The following TTC39B variants were observed in gnomAD, a reference collection of about 807,000 sequenced individuals.
TTC39B encodes the protein tetratricopeptide repeat protein 39B.
Under a neutral mutation model 96.6 loss-of-function variants are expected in TTC39B, and 92 were observed. The ratio of observed to expected loss-of-function variants is 0.95; its 90% CI spans 0.80 to 1.13. TTC39B has a LOEUF of 1.13. TTC39B is among the 50% of genes most tolerant of loss of function. The pLI is 0.00. For missense variants in TTC39B, 955 were observed against 809.3 expected, an observed-to-expected ratio of 1.18 and a Z score of -2.18; for synonymous variants, 367 against 299.4, an observed-to-expected ratio of 1.23 and a Z score of -2.33.
At chr9:15,262,398 C>T (rs1241765264) in intron 2 of TTC39B, among the ~76,000 whole-genome samples, 1 of 152,182 alleles carries the variant, frequency 6.6e-6, no homozygotes, top group Non-Finnish European at 1.5e-5. Context: ...AGCACTTGGC[C>T]TATTTTAATT....
At chr9:15,266,053 C>A (rs558949227) in intron 2 of TTC39B, among the ~76,000 whole-genome samples, 1 of 152,090 alleles carries the variant, frequency 6.6e-6, no homozygotes, top group Non-Finnish European at 1.5e-5. Context: ...ATCTGGATAA[C>A]GTATGGACTG....
Position 15,226,046 on chromosome 9 carries a change from T to C in TTC39B, c.276-34A>G, listed in dbSNP as rs372956451. The C allele has an allele frequency of 4.4e-6, 7 of 1,600,198 alleles. No homozygotes were observed. The African/African-American group carries it at 5.4e-5, about 12-fold the overall frequency. ...TAAAAAGGCAGAGCAAGGTTTTTTA[T>C]TTCTTTGTCCTGTGAGAAAAGTCTA... On this transcript the variant is annotated intron_variant, in intron 2 of 19. Transcript: ENST00000512701.
chr9:15,277,644 C>T (rs1823596247), intron 1 of TTC39B, among the ~76,000 whole-genome samples: 1 of 152,278 alleles, frequency 6.6e-6, no homozygotes, highest in Middle Eastern at 3.4e-3. Flanking sequence ...CTCAGGGCTC[C>T]AGCCTCCTCA....
chr9:15,255,875 T>C (rs1289797606), intron 2 of TTC39B, among the ~76,000 whole-genome samples: 1 of 152,220 alleles, frequency 6.6e-6, no homozygotes, highest in East Asian at 1.9e-4. Context: ...AACTAACCAT[T>C]TGAATAATCA....
chr9:15,214,086 A>G (rs1820358990), intron 4 of TTC39B, 53 bp downstream of exon 4: 4 of 1,351,634 alleles, frequency 3.0e-6, no homozygotes, highest in Non-Finnish European at 3.1e-6. Flanking sequence ...ACATCAAAGA[A>G]TCATCAGAAA....
chr9:15,180,723 C>T (rs1489262706), intron 17 of TTC39B, among the ~76,000 whole-genome samples: 3 of 152,164 alleles, frequency 2.0e-5, no homozygotes, highest in Non-Finnish European at 2.9e-5. Context: ...TTCTTCCCTG[C>T]TCTGAAGGAT....
At chr9:15,243,251 T>C (rs1792209596) in intron 2 of TTC39B, among the ~76,000 whole-genome samples, 1 of 152,128 alleles carries the variant, frequency 6.6e-6, no homozygotes, top group African/African-American at 2.4e-5. Flanking sequence ...CCCTCCCACA[T>C]CTCCCAGAAA....
exon 20 of TTC39B, chr9:15,164,236 A>C (rs1817479898): frequency 6.6e-6 from 1 of 152,248 alleles, no homozygotes; most frequent in South Asian, 2.1e-4. Context: ...ACTAAAATGT[A>C]ATGAGAAGAG....
At chr9:15,264,610 A>C (rs113103031) in intron 2 of TTC39B, among the ~76,000 whole-genome samples, 6,808 of 149,284 alleles carry the variant, frequency 0.046, 226 homozygotes, top group Non-Finnish European at 0.067. Context: ...AGCTGAGATC[A>C]CACCATTGCA....
intron 2 of TTC39B, among the ~76,000 whole-genome samples, chr9:15,234,245 C>G (rs533991271): frequency 6.6e-6 from 1 of 151,820 alleles, no homozygotes; most frequent in South Asian, 2.1e-4. Context: ...GGCAGCCACC[C>G]CGTCCGGGAG....
chr9:15,210,299 A>C (rs1820121354), intron 5 of TTC39B, 135 bp from the exon 6 acceptor site: 2 of 611,042 alleles, frequency 3.3e-6, no homozygotes, highest in South Asian at 4.2e-5. Context: ...CCTGAAGTCT[A>C]TAGGACACAG....
chr9:15,262,224 G>A (rs1476632845), intron 2 of TTC39B, among the ~76,000 whole-genome samples: 1 of 152,106 alleles, frequency 6.6e-6, no homozygotes. Context: ...TCAGCCTCCT[G>A]AGTAGCTGGA....
chr9:15,190,695 A>C, intron 10 of TTC39B, 33 bp from the exon 11 acceptor site: 1 of 1,536,674 alleles, frequency 6.5e-7, no homozygotes, highest in South Asian at 1.1e-5. Context: ...TAGAAAGAGA[A>C]CAAGACTGGA....
At chr9:15,280,463 G>C (rs557221776) in intron 1 of TTC39B, among the ~76,000 whole-genome samples, 1 of 152,308 alleles carries the variant, frequency 6.6e-6, no homozygotes, top group African/African-American at 2.4e-5. Flanking sequence ...AAGTTCAAAG[G>C]GTTGGCAAAT....
chr9:15,263,544 T>C (rs1388997365), intron 2 of TTC39B, among the ~76,000 whole-genome samples: 1 of 152,220 alleles, frequency 6.6e-6, no homozygotes, highest in African/African-American at 2.4e-5. Flanking sequence ...TGTAATATTT[T>C]CTTTGTTCTC....
intron 1 of TTC39B, among the ~76,000 whole-genome samples, chr9:15,278,358 G>A (rs938069782): frequency 6.6e-6 from 1 of 152,114 alleles, no homozygotes; most frequent in Non-Finnish European, 1.5e-5. Context: ...GAGTGCATAT[G>A]TAAAATAAAA....
chr9:15,234,680 T>C (rs1220697682), intron 2 of TTC39B, among the ~76,000 whole-genome samples: 2 of 152,000 alleles, frequency 1.3e-5, no homozygotes, highest in African/African-American at 4.8e-5. Flanking sequence ...TTTTGTTCTG[T>C]ACTAAGAAAA....
At chr9:15,300,669 T>C (rs903611634) in intron 1 of TTC39B, among the ~76,000 whole-genome samples, 3 of 152,142 alleles carry the variant, frequency 2.0e-5, no homozygotes, top group African/African-American at 7.2e-5. Context: ...GTGGATCACC[T>C]GAGGTCAGGA....
chr9:15,268,496 G>A (rs1325068279), intron 1 of TTC39B, among the ~76,000 whole-genome samples: 2 of 152,076 alleles, frequency 1.3e-5, no homozygotes, highest in South Asian at 4.1e-4. Context: ...ACAGTCATAT[G>A]CACTCAGAAG....
Sources: allele counts gnomAD v4.1 joint callset (sites outside exome capture counted in the v4.1 genomes callset), GRCh38; gene constraint gnomAD v4.1.1; transcripts MANE v1.5; gene names NCBI Gene and HGNC (gene_info 2026-07-23, HGNC 2026-07-21).